Variants in LRRC9 observed in about 807,000 individuals in gnomAD.
The protein encoded by LRRC9 is leucine-rich repeat-containing protein 9.
Under a neutral mutation model 63.2 loss-of-function variants are expected in LRRC9, and 122 were observed. The observed-to-expected ratio is 1.93, with a 90% CI of 1.67 to 2.24. LRRC9 has a LOEUF of 2.24. LRRC9 is among the 30% of genes most tolerant of loss of function. The probability of loss-of-function intolerance (pLI) is 0.00; values close to 1 mark genes in which losing one functional copy is unlikely to be tolerated. For missense variants in LRRC9, 1,071 were observed against 627.7 expected (o/e 1.71, Z -7.55); for synonymous variants, 366 against 213.1 (o/e 1.72, Z -6.25).
chr14:60,022,721 C>G lies in LRRC9; in HGVS notation c.3567-13C>G. ...GTTAAGTTTATGGCCTCAAACTTAC[C>G]TATGTGTTTCAGAGATATAATGAGC... On this transcript the variant is annotated splice_polypyrimidine_tract_variant and intron_variant, in intron 26 of 31. Transcript: ENST00000445360. 1 of 589,296 alleles carries G rather than the reference C, an allele frequency of 1.7e-6. No individual in the cohort carries two copies. The allele number at this position is 589,296 out of a possible 1,614,324, so 36.5% of individuals were successfully genotyped here.
chr14:59,945,907 G>C (rs79038713), intron 8 of LRRC9, among the ~76,000 whole-genome samples: 1 of 151,628 alleles, frequency 6.6e-6, no homozygotes, highest in Admixed American at 6.6e-5. Flanking sequence ...CCTATAAACT[G>C]TCAAAGTATG....
intron 23 of LRRC9, among the ~76,000 whole-genome samples, chr14:60,013,564 C>T (rs1890429707): frequency 6.6e-6 from 1 of 152,032 alleles, no homozygotes; most frequent in Non-Finnish European, 1.5e-5. Flanking sequence ...TAACTGGGGA[C>T]TCTAGCTTCA....
chr14:60,034,562 T>C (rs184009101), intron 29 of LRRC9, among the ~76,000 whole-genome samples: 7 of 152,280 alleles, frequency 4.6e-5, no homozygotes, highest in East Asian at 3.9e-4. Context: ...TGAGATCCAC[T>C]TTTTTAGCTC....
intron 30 of LRRC9, among the ~76,000 whole-genome samples, chr14:60,056,075 C>G (rs928887945): frequency 1.3e-5 from 2 of 152,188 alleles, no homozygotes; most frequent in African/African-American, 4.8e-5. Context: ...ACTTCCCCTT[C>G]TCTCTGACCT....
intron 21 of LRRC9, 130 bp from the exon 22 acceptor site, chr14:60,006,267 T>C: frequency 3.6e-6 from 2 of 549,032 alleles, no homozygotes; most frequent in Non-Finnish European, 6.4e-6. Flanking sequence ...CAATGATGGT[T>C]AGTATTACAG....
chr14:59,994,376 G>C (rs969417819), intron 17 of LRRC9, among the ~76,000 whole-genome samples: 9 of 152,184 alleles, frequency 5.9e-5, no homozygotes, highest in African/African-American at 1.9e-4. Context: ...TGCTGGAGAG[G>C]ATATGGAGAA....
chr14:60,037,772 T>C (rs1234455975), intron 29 of LRRC9, among the ~76,000 whole-genome samples: 1 of 152,226 alleles, frequency 6.6e-6, no homozygotes, highest in African/African-American at 2.4e-5. Flanking sequence ...TTACTTTCAT[T>C]AGATCCCATT....
intron 29 of LRRC9, among the ~76,000 whole-genome samples, chr14:60,047,802 G>A (rs866297524): frequency 5.3e-5 from 8 of 152,146 alleles, no homozygotes; most frequent in Non-Finnish European, 8.8e-5. Context: ...GGATCTGATA[G>A]ATATCTACAG....
intron 21 of LRRC9, 122 bp from the exon 22 acceptor site, chr14:60,006,275 C>T (rs1285080582): frequency 5.2e-6 from 3 of 576,176 alleles, no homozygotes; most frequent in South Asian, 2.3e-5. Context: ...GTTAGTATTA[C>T]AGAATCTTTA....
At chr14:60,021,772 C>T (rs1452979028) in intron 26 of LRRC9, among the ~76,000 whole-genome samples, 1 of 151,704 alleles carries the variant, frequency 6.6e-6, no homozygotes, top group Admixed American at 6.6e-5. Context: ...GTTTTGGCAC[C>T]TTTGCTAAAA....
intron 15 of LRRC9, among the ~76,000 whole-genome samples, chr14:59,979,401 G>C (rs1161569610): frequency 6.6e-6 from 1 of 152,132 alleles, no homozygotes; most frequent in Non-Finnish European, 1.5e-5. Context: ...GGCGGATCAT[G>C]AGGTCAGGGG....
intron 8 of LRRC9, among the ~76,000 whole-genome samples, chr14:59,956,042 G>A (rs1189840345): frequency 6.6e-6 from 1 of 152,132 alleles, no homozygotes; most frequent in Non-Finnish European, 1.5e-5. Context: ...ATTTGCTCAG[G>A]AGTATTTTAC....
chr14:59,955,608 AT>A (rs199813355), intron 8 of LRRC9, among the ~76,000 whole-genome samples: 2 of 151,850 alleles, frequency 1.3e-5, no homozygotes, highest in East Asian at 1.9e-4. Flanking sequence ...GGATTCATTG[AT>A]TTTTTTGAAG....
chr14:60,040,091 T>G (rs1244226333), intron 29 of LRRC9, among the ~76,000 whole-genome samples: 1 of 152,032 alleles, frequency 6.6e-6, no homozygotes. Context: ...AGTTTCTGAA[T>G]CCTGAGTTCT....
At chr14:59,945,370 T>G (rs1160893609) in intron 8 of LRRC9, among the ~76,000 whole-genome samples, 19 of 151,972 alleles carry the variant, frequency 1.3e-4, no homozygotes, top group Admixed American at 1.2e-3. Context: ...TAATGGATTA[T>G]TCAACAAATG....
chr14:60,024,411 G>A (rs1161108700), intron 27 of LRRC9, among the ~76,000 whole-genome samples: 4 of 152,028 alleles, frequency 2.6e-5, no homozygotes, highest in Admixed American at 2.0e-4. Context: ...GAGAAGTAGC[G>A]TGAGAAAAAC....
At chr14:60,046,222 G>T (rs1221770655) in intron 29 of LRRC9, among the ~76,000 whole-genome samples, 3 of 152,122 alleles carry the variant, frequency 2.0e-5, no homozygotes, top group Non-Finnish European at 4.4e-5. Context: ...TCTGTAGGTT[G>T]CCTGTGCACT....
chr14:60,044,715 A>G (rs1205275275), intron 29 of LRRC9, among the ~76,000 whole-genome samples: 2 of 152,208 alleles, frequency 1.3e-5, no homozygotes, highest in Admixed American at 6.5e-5. Flanking sequence ...GATATGGTCT[A>G]TTATGGAAAA....
chr14:59,975,660 T>C (rs374476696), intron 13 of LRRC9, among the ~76,000 whole-genome samples: 1 of 152,162 alleles, frequency 6.6e-6, no homozygotes, highest in East Asian at 1.9e-4. Flanking sequence ...AACTAGACAG[T>C]TTCATCTTTA....
Sources: allele counts gnomAD v4.1 joint callset (sites outside exome capture counted in the v4.1 genomes callset), GRCh38; gene constraint gnomAD v4.1.1; transcripts MANE v1.5; gene names NCBI Gene and HGNC (gene_info 2026-07-23, HGNC 2026-07-21).